Variants in LDLRAD3 observed in about 807,000 individuals in gnomAD.
The protein encoded by LDLRAD3 is low-density lipoprotein receptor class A domain-containing protein 3.
LDLRAD3 carries 20 observed loss-of-function variants against 29.4 expected under a neutral mutation model. That is an observed-to-expected ratio of 0.68 (90% confidence interval 0.48 to 0.99). The LOEUF (loss-of-function observed/expected upper bound fraction) is 0.99, where lower values mean the gene tolerates loss of function less well. LDLRAD3 is among the 50% of genes least tolerant of loss of function. The pLI is 0.00. For missense variants in LDLRAD3, 420 were observed against 454.3 expected (o/e 0.92, Z 0.69); for synonymous variants, 157 against 192.7 (o/e 0.81, Z 1.53).
intron 1 of LDLRAD3, among the ~76,000 whole-genome samples, chr11:36,010,377 G>T: frequency 6.6e-6 from 1 of 152,194 alleles, no homozygotes; most frequent in East Asian, 1.9e-4. Flanking sequence ...ATTAGAAGAA[G>T]AATATATTTT....
At chr11:36,158,483 A>C (rs1273304627) in intron 4 of LDLRAD3, among the ~76,000 whole-genome samples, 14 of 125,972 alleles carry the variant, frequency 1.1e-4, no homozygotes, top group South Asian at 2.6e-4. Context: ...GCAACCCATC[A>C]CCAACCCCGC....
At chr11:35,999,463 G>T (rs1239051695) in intron 1 of LDLRAD3, among the ~76,000 whole-genome samples, 1 of 152,160 alleles carries the variant, frequency 6.6e-6, no homozygotes, top group Non-Finnish European at 1.5e-5. Context: ...AGCCTCTCCA[G>T]AACCGAGCCT....
intron 4 of LDLRAD3, chr11:36,184,084 G>C (rs779962653): frequency 1.2e-5 from 3 of 249,706 alleles, no homozygotes; most frequent in African/African-American, 7.2e-5. Context: ...TCCTGCCTCA[G>C]CCTCCCGAGT....
intron 1 of LDLRAD3, among the ~76,000 whole-genome samples, chr11:35,996,565 G>A (rs1441996307): frequency 1.3e-5 from 2 of 152,164 alleles, no homozygotes; most frequent in Non-Finnish European, 2.9e-5. Context: ...ACTGCGTTCA[G>A]GATTGCCATA....
chr11:36,120,226 C>T (rs571869587), intron 4 of LDLRAD3, among the ~76,000 whole-genome samples: 9 of 152,272 alleles, frequency 5.9e-5, no homozygotes, highest in Middle Eastern at 3.4e-3. Flanking sequence ...TTAGTTGGGA[C>T]AAGCCGAAGC....
chr11:36,109,180 T>A (rs188111661), intron 4 of LDLRAD3, among the ~76,000 whole-genome samples: 1 of 152,174 alleles, frequency 6.6e-6, no homozygotes, highest in African/African-American at 2.4e-5. Flanking sequence ...AGAAGAGAGC[T>A]CAGAAGAACC....
intron 4 of LDLRAD3, among the ~76,000 whole-genome samples, chr11:36,113,539 G>A (rs1309552337): frequency 6.6e-6 from 1 of 152,148 alleles, no homozygotes; most frequent in Non-Finnish European, 1.5e-5. Context: ...TTTCACTGAT[G>A]ATGTGGTTGC....
chr11:36,064,960 G>A (rs1181771099), intron 2 of LDLRAD3, among the ~76,000 whole-genome samples: 3 of 152,160 alleles, frequency 2.0e-5, no homozygotes, highest in Non-Finnish European at 4.4e-5. Flanking sequence ...CCTGGAGAAT[G>A]TTTCATGTAT....
intron 1 of LDLRAD3, among the ~76,000 whole-genome samples, chr11:36,024,525 A>C (rs1366777623): frequency 1.3e-5 from 2 of 152,210 alleles, no homozygotes; most frequent in Non-Finnish European, 2.9e-5. Context: ...ATTAGGCATT[A>C]GAACCCAAGT....
chr11:35,953,466 C>G (rs1851162817), intron 1 of LDLRAD3, among the ~76,000 whole-genome samples: 1 of 152,032 alleles, frequency 6.6e-6, no homozygotes, highest in African/African-American at 2.4e-5. Flanking sequence ...ATTAAAAATC[C>G]CTTCTCATTA....
chr11:36,039,142 T>C (rs1852347912), intron 2 of LDLRAD3, among the ~76,000 whole-genome samples: 1 of 152,098 alleles, frequency 6.6e-6, no homozygotes, highest in Non-Finnish European at 1.5e-5. Flanking sequence ...GCTACTTTTT[T>C]GTATTTTTAG....
At chr11:36,055,215 T>G (rs1185698535) in intron 2 of LDLRAD3, among the ~76,000 whole-genome samples, 1 of 145,866 alleles carries the variant, frequency 6.9e-6, no homozygotes, top group Non-Finnish European at 1.5e-5. Context: ...CAGCCTCATA[T>G]CCTCCCTTTC....
chr11:36,179,863 C>T lies in LDLRAD3; in HGVS notation c.455-47222C>T, dbSNP rs138929560. 9.2e-5 allele frequency among the ~76,000 whole-genome samples: 14 copies of T among 152,044 alleles called. No individual in the cohort carries two copies. In the East Asian group the frequency reaches 2.7e-3, roughly 30 times the overall value. On this transcript the variant is annotated intron_variant, in intron 4 of 5. Coordinates refer to ENST00000315571, the MANE Select transcript of LDLRAD3 (RefSeq NM_174902.4). ...TAAAAAATTAGCCGGACATGGTAGC[C>T]TGTGCTTGCCTGTGGTCCTAGCTAC...
At chr11:35,954,930 A>G (rs901619239) in intron 1 of LDLRAD3, among the ~76,000 whole-genome samples, 3 of 152,230 alleles carry the variant, frequency 2.0e-5, no homozygotes, top group South Asian at 4.1e-4. Flanking sequence ...AGAGGTCACC[A>G]AGAGGAAATA....
At chr11:36,192,548 G>A (rs1854969946) in intron 4 of LDLRAD3, among the ~76,000 whole-genome samples, 1 of 152,182 alleles carries the variant, frequency 6.6e-6, no homozygotes, top group Non-Finnish European at 1.5e-5. Context: ...AGCATCACAA[G>A]GCCGCTTTGT....
At chr11:35,962,023 T>C (rs574913107) in intron 1 of LDLRAD3, among the ~76,000 whole-genome samples, 1 of 152,276 alleles carries the variant, frequency 6.6e-6, no homozygotes, top group Admixed American at 6.5e-5. Context: ...AAAATTTCAG[T>C]CCTGAAATTT....
chr11:36,161,923 A>G (rs1854445633), intron 4 of LDLRAD3, among the ~76,000 whole-genome samples: 1 of 152,226 alleles, frequency 6.6e-6, no homozygotes, highest in Admixed American at 6.5e-5. Flanking sequence ...CTCTCTGAGA[A>G]TGAGTTAACA....
At chr11:35,965,355 G>A (rs1273123741) in intron 1 of LDLRAD3, among the ~76,000 whole-genome samples, 6 of 152,166 alleles carry the variant, frequency 3.9e-5, no homozygotes, top group Non-Finnish European at 5.9e-5. Context: ...TTCTACTTTT[G>A]TTGCTAACCT....
intron 4 of LDLRAD3, among the ~76,000 whole-genome samples, chr11:36,108,547 G>A (rs1034907362): frequency 6.6e-6 from 1 of 152,042 alleles, no homozygotes; most frequent in African/African-American, 2.4e-5. Context: ...GAAGTGAATG[G>A]CAGGGCAGTC....
Sources: gnomAD v4.1 joint callset for allele counts (sites outside exome capture counted in the v4.1 genomes callset) on GRCh38, gnomAD v4.1.1 for gene constraint, MANE v1.5 for transcripts, NCBI Gene and HGNC (gene_info 2026-07-23, HGNC 2026-07-21) for gene names.